Variants in ASPRV1 observed in about 807,000 individuals in gnomAD.
ASPRV1 encodes the protein retroviral-like aspartic protease 1.
Under a neutral mutation model 11.0 loss-of-function variants are expected in ASPRV1, and 7 were observed. That is an observed-to-expected ratio of 0.64 (90% CI 0.36 to 1.20). The LOEUF (loss-of-function observed/expected upper bound fraction) is 1.20. Among genes scored for constraint, ASPRV1 ranks in the 50% most tolerant of loss-of-function variants. The pLI, the probability that ASPRV1 is intolerant of heterozygous loss-of-function variation, is 0.02. For synonymous variants in ASPRV1, 136 were observed against 138.4 expected, an observed-to-expected ratio of 0.98 and a Z score of 0.12; for missense variants, 299 against 320.0, an observed-to-expected ratio of 0.93 and a Z score of 0.50.
At chr2:69,987,336 GC>G in the ASPRV1 span, among the ~76,000 whole-genome samples, 1 of 152,058 alleles carries the variant, frequency 6.6e-6, no homozygotes, top group South Asian at 2.1e-4. Flanking sequence ...AAACAGCCAA[GC>G]CCCAGGATCA....
chr2:70,022,543 G>A, the ASPRV1 span, among the ~76,000 whole-genome samples: 1 of 151,952 alleles, frequency 6.6e-6, no homozygotes, highest in Admixed American at 6.6e-5. Flanking sequence ...AAAAAAGTTA[G>A]TGGGGGCATG....
At chr2:70,017,461 TC>T in the ASPRV1 span, among the ~76,000 whole-genome samples, 2 of 151,632 alleles carry the variant, frequency 1.3e-5, no homozygotes, top group African/African-American at 4.8e-5. Flanking sequence ...AAAGTTTTTT[TC>T]GTAAGATTAG....
rs1230841384 is a variant in ASPRV1, at chr2:69,960,601, C to CA, written c.*55_*56insT. On this transcript the variant is annotated 3_prime_UTR_variant, in exon 1 of 1. Coordinates refer to ENST00000320256, the MANE Select transcript of ASPRV1 (RefSeq NM_152792.4). ...ACCCCCATGAGGATATGCAACCCCC[C>CA]CCACAGCGGTGGGTCTTCCCACCAA... The CA allele has an allele frequency of 6.6e-7, 1 of 1,525,828 alleles. No homozygotes were observed. The highest frequency in any genetic ancestry group is 1.4e-5 in the African/African-American group (1 of 72,528). The allele number at this position is 1,525,828 out of a possible 1,614,324, so 94.5% of individuals were successfully genotyped here.
At chr2:70,062,057 G>A in the ASPRV1 span, among the ~76,000 whole-genome samples, 39 of 152,060 alleles carry the variant, frequency 2.6e-4, no homozygotes, top group Non-Finnish European at 4.7e-4. Flanking sequence ...GGAGGCTGAG[G>A]TGGGTGGATT....
the ASPRV1 span, among the ~76,000 whole-genome samples, chr2:70,073,458 G>C: frequency 6.6e-6 from 1 of 152,190 alleles, no homozygotes; most frequent in East Asian, 1.9e-4. Flanking sequence ...ACTTGCCTCT[G>C]TTTAGAATAA....
chr2:70,029,000 C>G, the ASPRV1 span, among the ~76,000 whole-genome samples: 1 of 152,160 alleles, frequency 6.6e-6, no homozygotes, highest in African/African-American at 2.4e-5. Flanking sequence ...GGCACCTAAA[C>G]TTCCACCACC....
chr2:69,979,132 T>A, the ASPRV1 span, among the ~76,000 whole-genome samples: 1 of 152,124 alleles, frequency 6.6e-6, no homozygotes, highest in African/African-American at 2.4e-5. Flanking sequence ...CCTCCTGGAT[T>A]CAAGCGATTC....
the ASPRV1 span, among the ~76,000 whole-genome samples, chr2:69,946,493 A>G: frequency 6.6e-6 from 1 of 152,200 alleles, no homozygotes; most frequent in Non-Finnish European, 1.5e-5. Flanking sequence ...AGTAAGGTAA[A>G]GTATGCAAAC....
the ASPRV1 span, among the ~76,000 whole-genome samples, chr2:69,989,812 G>A: frequency 6.6e-6 from 1 of 152,344 alleles, no homozygotes; most frequent in African/African-American, 2.4e-5. Context: ...TCTATGCTGG[G>A]CTGTGACTTC....
In ASPRV1 at chr2:69,961,121, T is replaced by C. The variant is rs1427691844; in HGVS notation, c.316A>G (p.Asn106Asp). ...SHLPKEIVFA[N>D]SMGKGYYLKG... is the part of the protein sequence containing the mutation. ...AGATAGTAGCCCTTACCCATGCTGTTGGCAAAGACGATCTCTTTGGGCAGG... is the reference window on the plus strand; with the variant it reads ...AGATAGTAGCCCTTACCCATGCTGTCGGCAAAGACGATCTCTTTGGGCAGG... Residue 106 changes from asparagine to aspartate, a missense_variant, in exon 1 of 1, where the codon AAC (asparagine) becomes GAC (aspartate). Asn to Asp is a conservative substitution (Grantham distance 23). Coordinates refer to ENST00000320256, the MANE Select transcript of ASPRV1 (RefSeq NM_152792.4). 6.2e-7 allele frequency: 1 copy of C among 1,613,940 alleles called. No individual in the cohort carries two copies. Among genetic ancestry groups the C allele is most frequent in the Non-Finnish European group, 8.5e-7 (1 of 1,179,926 alleles).
chr2:70,024,925 G>A, the ASPRV1 span, among the ~76,000 whole-genome samples: 1 of 152,318 alleles, frequency 6.6e-6, no homozygotes, highest in East Asian at 1.9e-4. Context: ...AGTAAAGGGT[G>A]ACAGATGTCA....
the ASPRV1 span, chr2:70,046,746 G>A: frequency 6.6e-6 from 1 of 152,144 alleles, no homozygotes; most frequent in Admixed American, 6.6e-5. Flanking sequence ...AGTCTAGGGT[G>A]AGGGAAGTAC....
At chr2:70,047,181 G>A in the ASPRV1 span, among the ~76,000 whole-genome samples, 7 of 152,142 alleles carry the variant, frequency 4.6e-5, no homozygotes, top group African/African-American at 1.4e-4. Flanking sequence ...AAGAGATGTG[G>A]TTCCTGGAGT....
At chr2:69,952,112 C>T in the ASPRV1 span, among the ~76,000 whole-genome samples, 1 of 152,194 alleles carries the variant, frequency 6.6e-6, no homozygotes, top group African/African-American at 2.4e-5. Flanking sequence ...GGCTTAAATT[C>T]CAATCTCAGT....
the ASPRV1 span, among the ~76,000 whole-genome samples, chr2:70,005,890 GC>G: frequency 6.6e-6 from 1 of 152,114 alleles, no homozygotes; most frequent in Admixed American, 6.6e-5. Flanking sequence ...CCACCCCTCA[GC>G]CCCTGTTTAC....
At chr2:70,031,733 A>G in the ASPRV1 span, 2 of 152,200 alleles carry the variant, frequency 1.3e-5, no homozygotes, top group Non-Finnish European at 2.9e-5. Context: ...CAATGAAATG[A>G]TGAAATGTTC....
At chr2:70,029,562 C>A in the ASPRV1 span, among the ~76,000 whole-genome samples, 1 of 152,154 alleles carries the variant, frequency 6.6e-6, no homozygotes, top group East Asian at 1.9e-4. Context: ...TCACTTGAAC[C>A]CAGGCAGCAG....
At chr2:69,970,446 C>T in the ASPRV1 span, among the ~76,000 whole-genome samples, 4 of 152,246 alleles carry the variant, frequency 2.6e-5, no homozygotes, top group Admixed American at 1.3e-4. Context: ...TACAAAATGG[C>T]GTGTAGCTCC....
chr2:70,082,665 G>A, the ASPRV1 span, among the ~76,000 whole-genome samples: 2 of 152,186 alleles, frequency 1.3e-5, no homozygotes, highest in Admixed American at 6.5e-5. Flanking sequence ...AGCCAGGATC[G>A]CGCCACTGCA....
Sources: allele counts gnomAD v4.1 joint callset (sites outside exome capture counted in the v4.1 genomes callset), GRCh38; gene constraint gnomAD v4.1.1; transcripts MANE v1.5; gene names NCBI Gene and HGNC (gene_info 2026-07-23, HGNC 2026-07-21).